LAMA3: variants seen among roughly 807,000 people sequenced by gnomAD.
The protein encoded by LAMA3 is laminin subunit alpha-3.
LAMA3 carries 281 observed loss-of-function variants against 402.0 expected under a neutral mutation model. That is an observed-to-expected ratio of 0.70 (90% confidence interval 0.63 to 0.77). LAMA3 has a LOEUF of 0.77. LAMA3 is among the 30% of genes least tolerant of loss of function. The pLI, the probability that LAMA3 is intolerant of heterozygous loss-of-function variation, is 0.00. For missense variants in LAMA3, 3,840 were observed against 4,215.5 expected, an observed-to-expected ratio of 0.91 and a Z score of 2.47; for synonymous variants, 1,431 against 1,558.4, an observed-to-expected ratio of 0.92 and a Z score of 1.93.
intron 30 of LAMA3, 90 bp downstream of exon 30, chr18:23,845,214 G>A (rs1279896753): frequency 3.8e-6 from 3 of 781,516 alleles, no homozygotes; most frequent in Non-Finnish European, 6.8e-6. Context: ...CTGGCCCATG[G>A]ATCCGTCCTC....
At chr18:23,921,830 G>A (rs985049807) in intron 62 of LAMA3, among the ~76,000 whole-genome samples, 1 of 152,166 alleles carries the variant, frequency 6.6e-6, no homozygotes, top group Non-Finnish European at 1.5e-5. Context: ...GGGAGGGGAG[G>A]GACCACGAAG....
At position 23,846,556 on chromosome 18, in the gene LAMA3, G is replaced by C. The variant is rs1192124331; in HGVS notation, c.3931+48G>C. On this transcript the variant is annotated intron_variant, in intron 31 of 74. Coordinates refer to ENST00000313654, the MANE Select transcript of LAMA3 (RefSeq NM_198129.4). ...CCAAGTTCTGCTCTGGTCCCGTGTG[G>C]ATGATGCTTACCAGGAGCAGGCTTC... The C allele has an allele frequency of 2.6e-6, 4 of 1,528,568 alleles. No homozygotes were observed. In the African/African-American group the frequency reaches 5.5e-5, roughly 21 times the overall value. 94.7% of individuals were successfully genotyped at this position (1,528,568 alleles called of 1,614,324 possible).
chr18:23,806,443 G>A (rs927871239), intron 12 of LAMA3, among the ~76,000 whole-genome samples: 1 of 152,170 alleles, frequency 6.6e-6, no homozygotes, highest in Non-Finnish European at 1.5e-5. Flanking sequence ...TGGGATGGGG[G>A]TGGGTCCTGA....
chr18:23,923,371 G>A (rs1392778805), intron 62 of LAMA3, among the ~76,000 whole-genome samples: 1 of 152,160 alleles, frequency 6.6e-6, no homozygotes, highest in Non-Finnish European at 1.5e-5. Flanking sequence ...AGTGATGAGG[G>A]TGACCTGGCC....
At chr18:23,778,762 T>C (rs995082043) in intron 11 of LAMA3, among the ~76,000 whole-genome samples, 1 of 152,218 alleles carries the variant, frequency 6.6e-6, no homozygotes, top group Non-Finnish European at 1.5e-5. Flanking sequence ...GCCAGTCATG[T>C]GTGAGCACGA....
intron 27 of LAMA3, among the ~76,000 whole-genome samples, chr18:23,842,193 T>C (rs1427933264): frequency 6.6e-6 from 1 of 152,160 alleles, no homozygotes; most frequent in African/African-American, 2.4e-5. Context: ...TTGTTTTCAG[T>C]TTTTGTGATA....
intron 1 of LAMA3, among the ~76,000 whole-genome samples, chr18:23,702,204 A>G (rs1243320959): frequency 6.6e-6 from 1 of 152,154 alleles, no homozygotes; most frequent in Non-Finnish European, 1.5e-5. Context: ...GTGTGAAATA[A>G]CTTCCAGGAG....
At chr18:23,742,750 T>C (rs1568134311) in intron 2 of LAMA3, among the ~76,000 whole-genome samples, 1 of 152,172 alleles carries the variant, frequency 6.6e-6, no homozygotes, top group East Asian at 1.9e-4. Context: ...GTATTCATTG[T>C]ATTGTTCTTT....
At chr18:23,844,938 C>T in intron 29 of LAMA3, 71 bp from the exon 30 acceptor site, 1 of 899,530 alleles carries the variant, frequency 1.1e-6, no homozygotes, top group South Asian at 1.3e-5. Flanking sequence ...GGTGCTCAAC[C>T]TGTATAATAA....
chr18:23,795,718 A>AGT (rs2062748840), intron 12 of LAMA3, among the ~76,000 whole-genome samples: 3 of 141,086 alleles, frequency 2.1e-5, no homozygotes, highest in Non-Finnish European at 4.5e-5. Flanking sequence ...GGGGCTTAAA[A>AGT]TATATATATT....
chr18:23,914,915 GTGA>G, intron 58 of LAMA3, 55 bp downstream of exon 58: 4 of 1,367,334 alleles, frequency 2.9e-6, no homozygotes, highest in Non-Finnish European at 4.1e-6. Flanking sequence ...ATTTGGTATG[GTGA>G]TGACCTCATG....
chr18:23,928,508 T>C, intron 63 of LAMA3, 117 bp from the exon 64 acceptor site: 1 of 1,078,430 alleles, frequency 9.3e-7, no homozygotes, highest in Non-Finnish European at 1.4e-6. Flanking sequence ...TCTCTTTCTT[T>C]CTGAGGTTAC....
intron 12 of LAMA3, among the ~76,000 whole-genome samples, chr18:23,801,161 T>A (rs1420272423): frequency 6.6e-6 from 1 of 152,210 alleles, no homozygotes; most frequent in African/African-American, 2.4e-5. Context: ...TGAAGGCCAT[T>A]ATCCTAAGTA....
intron 9 of LAMA3, among the ~76,000 whole-genome samples, 171 bp from the exon 10 acceptor site, chr18:23,775,621 G>A (rs2062298913): frequency 6.6e-6 from 1 of 152,146 alleles, no homozygotes; most frequent in African/African-American, 2.4e-5. Context: ...CACGAGCTTC[G>A]GGCAGTGAGA....
At chr18:23,732,704 T>C (rs1370368306) in intron 2 of LAMA3, among the ~76,000 whole-genome samples, 1 of 152,074 alleles carries the variant, frequency 6.6e-6, no homozygotes, top group Non-Finnish European at 1.5e-5. Flanking sequence ...ATCCTACAGA[T>C]GTAGGTTTAC....
intron 39 of LAMA3, among the ~76,000 whole-genome samples, chr18:23,880,647 G>T (rs912659018): frequency 8.5e-5 from 13 of 152,220 alleles, no homozygotes; most frequent in African/African-American, 2.9e-4. Flanking sequence ...GGGAGGCCGA[G>T]GCGGGCGAAT....
Position 23,847,458 on chromosome 18 carries a change from G to T in LAMA3, c.3932-6G>T. ...CTCACATGGTATTTCTTTATCCCCT[G>T]GCCAGCGTGCAGCTGTGGTCGGCGC... On this transcript the variant is annotated splice_polypyrimidine_tract_variant and splice_region_variant and intron_variant, in intron 31 of 74. Coordinates refer to ENST00000313654, the MANE Select transcript of LAMA3 (RefSeq NM_198129.4). 1 of 1,610,200 alleles carries T rather than the reference G, an allele frequency of 6.2e-7. No homozygotes were observed.
chr18:23,768,165 C>T (rs1051153154), intron 8 of LAMA3, among the ~76,000 whole-genome samples: 1 of 142,134 alleles, frequency 7.0e-6, no homozygotes, highest in Non-Finnish European at 1.5e-5. Context: ...TTCTATACTA[C>T]AAAAAAAAAA....
At chr18:23,868,055 G>C (rs2064408635) in intron 37 of LAMA3, 138 bp downstream of exon 37, 1 of 745,702 alleles carries the variant, frequency 1.3e-6, no homozygotes, top group Non-Finnish European at 2.2e-6. Context: ...TACAGGTTGA[G>C]CATCCTTAAT....
Sources: gnomAD v4.1 joint callset for allele counts (sites outside exome capture counted in the v4.1 genomes callset) on GRCh38, gnomAD v4.1.1 for gene constraint, MANE v1.5 for transcripts, NCBI Gene and HGNC (gene_info 2026-07-23, HGNC 2026-07-21) for gene names.